Variants in PALD1 observed in about 807,000 individuals in gnomAD.
PALD1 encodes the protein phosphatase domain containing paladin 1.
A neutral mutation model predicts 96.0 loss-of-function variants in PALD1; 57 were observed. That is an observed-to-expected ratio of 0.59 (90% confidence interval 0.48 to 0.74). PALD1 has a LOEUF of 0.74. PALD1 is among the 30% of genes least tolerant of loss of function. The pLI, the probability that PALD1 is intolerant of heterozygous loss-of-function variation, is 0.00. For synonymous variants in PALD1, 464 were observed against 473.6 expected (o/e 0.98, Z 0.26); for missense variants, 1,063 against 1,143.7 (o/e 0.93, Z 1.02).
chr10:70,501,838 T>TGTGTGTGTGTGTGC (rs57837334), intron 1 of PALD1, among the ~76,000 whole-genome samples: 1 of 150,330 alleles, frequency 6.7e-6, no homozygotes, highest in Admixed American at 6.6e-5. Flanking sequence ...TGTGTGTGCG[T>TGTGTGTGTGTGTGC]GCGTGCATGC....
At position 70,523,712 on chromosome 10, in the gene PALD1, A is replaced by G. The variant is rs74767766; in HGVS notation, c.-29-2211A>G. Among the ~76,000 whole-genome samples, 1,424 of 152,146 alleles carry G rather than the reference A, an allele frequency of 9.4e-3. 30 individuals are homozygous for G. Among genetic ancestry groups the G allele is most frequent in the African/African-American group, 0.033 (1,366 of 41,488 alleles). On this transcript the variant is annotated intron_variant, in intron 1 of 19. Coordinates refer to ENST00000263563, the MANE Select transcript of PALD1 (RefSeq NM_014431.3). ...AAACACAAGGTGTGTGTGTTAACGA[A>G]GCTGTCACGAGGCTCCTGGGAGTTT...
intron 18 of PALD1, among the ~76,000 whole-genome samples, chr10:70,559,510 AG>A (rs1847690616): frequency 6.6e-6 from 1 of 152,130 alleles, no homozygotes; most frequent in South Asian, 2.1e-4. Context: ...AATAGACAGC[AG>A]GGGGCGGGAG....
intron 17 of PALD1, 36 bp from the exon 18 acceptor site, chr10:70,547,270 G>A: frequency 6.2e-7 from 1 of 1,609,324 alleles, no homozygotes; most frequent in Non-Finnish European, 8.5e-7. Flanking sequence ...GCTCTTACCA[G>A]TTTTATGTCT....
chr10:70,463,864 G>A, the PALD1 span, among the ~76,000 whole-genome samples: 1 of 152,124 alleles, frequency 6.6e-6, no homozygotes, highest in Admixed American at 6.6e-5. Flanking sequence ...CTAGGAATAT[G>A]GACAAGCTAG....
At chr10:70,518,182 G>A (rs1242437602) in intron 1 of PALD1, among the ~76,000 whole-genome samples, 2 of 152,192 alleles carry the variant, frequency 1.3e-5, no homozygotes, top group Admixed American at 6.5e-5. Flanking sequence ...GATTACAGGC[G>A]AGAGCCACCA....
intron 1 of PALD1, among the ~76,000 whole-genome samples, chr10:70,506,206 G>A (rs556255761): frequency 5.3e-5 from 8 of 152,272 alleles, no homozygotes; most frequent in African/African-American, 1.2e-4. Context: ...GGACCCTTAC[G>A]TGACATTGGT....
intron 1 of PALD1, among the ~76,000 whole-genome samples, chr10:70,512,297 A>C (rs1438948527): frequency 6.6e-6 from 1 of 152,166 alleles, no homozygotes; most frequent in Non-Finnish European, 1.5e-5. Flanking sequence ...GCATTGTGAG[A>C]TTTTTGATTA....
At chr10:70,543,192 ATCT>A (rs1847289907) in intron 17 of PALD1, among the ~76,000 whole-genome samples, 1 of 150,902 alleles carries the variant, frequency 6.6e-6, no homozygotes, top group African/African-American at 2.4e-5. Flanking sequence ...CCACTTGTAT[ATCT>A]TCTTTGGAGA....
At chr10:70,505,599 T>C (rs1232690667) in intron 1 of PALD1, among the ~76,000 whole-genome samples, 2 of 137,746 alleles carry the variant, frequency 1.5e-5, no homozygotes, top group Non-Finnish European at 3.1e-5. Context: ...AGAGAAACTC[T>C]GTCTCAAAAC....
chr10:70,554,293 G>C (rs1210474631), intron 18 of PALD1, among the ~76,000 whole-genome samples: 1 of 152,146 alleles, frequency 6.6e-6, no homozygotes, highest in Non-Finnish European at 1.5e-5. Flanking sequence ...GCCGAGCGTG[G>C]TGGCGCACAC....
Position 70,568,395 on chromosome 10 carries a change from G to A in PALD1, c.*1662G>A, listed in dbSNP as rs1332865062. On this transcript the variant is annotated 3_prime_UTR_variant, in exon 20 of 20. Coordinates refer to ENST00000263563, the MANE Select transcript of PALD1 (RefSeq NM_014431.3). ...ACAGGGGTGTTGTGAGGATTCATTTGTGATTTTTTTTTTTTTTGTACAGAG... is the reference window on the plus strand; with the variant it reads ...ACAGGGGTGTTGTGAGGATTCATTTATGATTTTTTTTTTTTTTGTACAGAG... 1 of 61,174 alleles carries A rather than the reference G, an allele frequency of 1.6e-5. No individual in the cohort carries two copies. The highest frequency in any genetic ancestry group is 3.3e-5 in the Non-Finnish European group (1 of 30,672). The allele number at this position is 61,174 out of a possible 1,614,324, so 3.8% of individuals were successfully genotyped here. A position where few individuals can be genotyped will look rare whatever the true frequency, so the allele number is the denominator to read the frequency against.
At chr10:70,474,510 G>A (rs1302653021), upstream of PALD1, among the ~76,000 whole-genome samples, 2 of 152,168 alleles carry the variant, frequency 1.3e-5, no homozygotes, top group Non-Finnish European at 2.9e-5. Flanking sequence ...GCAGTGAGCC[G>A]AGATTGTGCC....
chr10:70,532,668 T>A lies in PALD1; in HGVS notation c.681T>A (p.His227Gln). Residue 227 changes from histidine (H) to glutamine (Q), a missense_variant, in exon 6 of 20, where the codon CAT (histidine) becomes CAA (glutamine). Physicochemically the swap from His to Gln is conservative, Grantham distance 24. Transcript: ENST00000263563. The part of the protein sequence containing the change: ...QLSENTYHVY[H>Q]NTEDLWGEPH... ...GCGAGAACACATACCATGTGTACCA[T>A]AACACCGAGGACCTGTGGGGGGAGC... is the stretch of plus-strand genomic sequence containing the variant. The A allele has an allele frequency of 3.7e-6, 6 of 1,614,152 alleles. No individual in the cohort carries two copies. The highest frequency in any genetic ancestry group is 5.1e-6 in the Non-Finnish European group (6 of 1,179,998).
At position 70,533,048 on chromosome 10, in the gene PALD1, A is replaced by G; in HGVS notation, c.848A>G (p.Asp283Gly). ...GGGAGTCCCCTGGAGGCCCAGTTGG[A>G]CGCCTTTGTCAGTGTTCTCCGGGTA... ...EQGSPLEAQL[D>G]AFVSVLRETP... Residue 283 changes from aspartate to glycine, a missense_variant, in exon 7 of 20, where the codon GAC becomes GGC. Coordinates refer to ENST00000263563, the MANE Select transcript of PALD1 (RefSeq NM_014431.3). The G allele has an allele frequency of 1.3e-6, 2 of 1,583,948 alleles. No homozygotes were observed. Among genetic ancestry groups the G allele is most frequent in the Non-Finnish European group, 1.7e-6 (2 of 1,164,440 alleles).
intron 1 of PALD1, among the ~76,000 whole-genome samples, chr10:70,513,558 A>G (rs1278770623): frequency 1.3e-5 from 2 of 152,176 alleles, no homozygotes; most frequent in African/African-American, 2.4e-5. Context: ...CCTGTCTGCC[A>G]ACACCAGGTA....
chr10:70,509,334 G>T (rs1846467515), intron 1 of PALD1, among the ~76,000 whole-genome samples: 1 of 152,196 alleles, frequency 6.6e-6, no homozygotes, highest in African/African-American at 2.4e-5. Flanking sequence ...GAACTCTCTG[G>T]CCTGTTTTTT....
intron 12 of PALD1, 107 bp downstream of exon 12, chr10:70,538,515 T>C: frequency 1.4e-5 from 16 of 1,184,152 alleles, no homozygotes; most frequent in Non-Finnish European, 1.9e-5. Context: ...TTGCAGGAGG[T>C]GAAGAAGAGA....
the PALD1 span, among the ~76,000 whole-genome samples, chr10:70,465,876 CT>C: frequency 6.6e-6 from 1 of 152,224 alleles, no homozygotes; most frequent in South Asian, 2.1e-4. Flanking sequence ...CATTTACCCC[CT>C]GAGGCCCCAG....
In PALD1 at chr10:70,534,055, G is replaced by T; in HGVS notation, c.1004G>T (p.Gly335Val). ...ACCCTCATCCTGCTTCACCGCAGTG[G>T]GACCACCTCCCAGCCAGAGTGAGTG... Reference protein sequence around the residue: ...LGTLILLHRSGTTSQPEAAPT... With the variant: ...LGTLILLHRSVTTSQPEAAPT... The change falls in exon 8 of 20, where the codon GGG becomes GTG. Residue 335 changes from glycine (G) to valine (V), a missense_variant. By Grantham distance (109) the Gly-to-Val change is moderately radical (BLOSUM62 -3). Transcript: ENST00000263563. 1.2e-6 allele frequency: 2 copies of T among 1,606,114 alleles called. No homozygotes were observed. The highest frequency in any genetic ancestry group is 1.1e-5 in the South Asian group (1 of 90,190).
Sources: allele counts gnomAD v4.1 joint callset (sites outside exome capture counted in the v4.1 genomes callset), GRCh38; gene constraint gnomAD v4.1.1; transcripts MANE v1.5; gene names NCBI Gene and HGNC (gene_info 2026-07-23, HGNC 2026-07-21).